Variants in RGS5 observed in about 807,000 individuals in gnomAD.
RGS5 encodes regulator of G protein signaling 5, also known as regulator of G-protein signalling 5.
RGS5 carries 20 observed loss-of-function variants against 18.9 expected under a neutral mutation model. The observed-to-expected ratio is 1.06, with a 90% CI of 0.74 to 1.54. The LOEUF (loss-of-function observed/expected upper bound fraction) is 1.54. Ranked by LOEUF, RGS5 falls within the 40% of genes most tolerant of loss-of-function variation. The pLI, the probability that RGS5 is intolerant of heterozygous loss-of-function variation, is 0.00. For missense variants in RGS5, 201 were observed against 211.8 expected (o/e 0.95, Z 0.32); for synonymous variants, 57 against 76.2 (o/e 0.75, Z 1.31).
At chr1:163,271,481 A>G (rs1197185627) in intron 2 of RGS5, among the ~76,000 whole-genome samples, 1 of 152,182 alleles carries the variant, frequency 6.6e-6, no homozygotes, top group East Asian at 1.9e-4. Context: ...GGCCCTCACC[A>G]GATAGAGAAT....
At position 163,144,502 on chromosome 1, in the gene RGS5, T is replaced by C. The variant is rs1024322046; in HGVS notation, c.*2840A>G. 3.3e-5 allele frequency: 5 copies of C among 152,496 alleles called. No individual in the cohort carries two copies. The highest frequency in any genetic ancestry group is 7.4e-5 in the Non-Finnish European group (5 of 68,000). 9.4% of individuals were successfully genotyped at this position (152,496 alleles called of 1,614,324 possible). A position where few individuals can be genotyped will look rare whatever the true frequency, so the allele number is the denominator to read the frequency against. On this transcript the variant is annotated 3_prime_UTR_variant, in exon 5 of 5. Coordinates refer to ENST00000313961, the MANE Select transcript of RGS5 (RefSeq NM_003617.4). ...CTATTTCCATTGACCACAATTTGGT[T>C]CCACCACCTTTCTACATCCTCAATT...
chr1:163,171,862 T>A (rs184450107), intron 1 of RGS5, among the ~76,000 whole-genome samples: 42 of 152,178 alleles, frequency 2.8e-4, no homozygotes, highest in Non-Finnish European at 5.4e-4. Flanking sequence ...AGGTCTTAGA[T>A]GTGGAAACAA....
rs1295547562 is a variant in RGS5 at position 163,276,633 on chromosome 1, T to A, written c.-281+29600A>T. Among the ~76,000 whole-genome samples, 4 of 152,232 alleles carry A rather than the reference T, an allele frequency of 2.6e-5. No homozygotes were observed. In the South Asian group the frequency reaches 8.3e-4, roughly 32 times the overall value. On this transcript the variant is annotated intron_variant, in intron 2 of 5. Transcript: ENST00000618415. The stretch of plus-strand genomic sequence containing the variant: ...TTAAAGGTTAATGAATGGCTGTCCA[T>A]GTCCATTACTGTCTGACCTAGAACA...
At chr1:163,200,735 C>A (rs1486298914) in intron 1 of RGS5, among the ~76,000 whole-genome samples, 1 of 152,174 alleles carries the variant, frequency 6.6e-6, no homozygotes, top group Non-Finnish European at 1.5e-5. Context: ...TATTCTACCA[C>A]ATCCCAATAA....
chr1:163,219,406 T>C (rs1450387889), upstream of RGS5, among the ~76,000 whole-genome samples: 2 of 152,212 alleles, frequency 1.3e-5, no homozygotes, highest in African/African-American at 4.8e-5. Flanking sequence ...TCCATACTTT[T>C]GCATCTTGTA....
In RGS5 at chr1:163,142,933, G is replaced by T. The variant is rs1656978581; in HGVS notation, c.*4409C>A. 6.6e-6 allele frequency: 1 copy of T among 152,150 alleles called. No individual in the cohort carries two copies. The highest frequency in any genetic ancestry group is 1.5e-5 in the Non-Finnish European group (1 of 68,022). The allele number at this position is 152,150 out of a possible 1,614,324, so 9.4% of individuals were successfully genotyped here. A position where few individuals can be genotyped will look rare whatever the true frequency, so the allele number is the denominator to read the frequency against. The stretch of plus-strand genomic sequence containing the variant: ...TTCTCTACTAGAAAAATAATAAGAT[G>T]TATTATTAAAACGTGAGTTGAGAAT... On this transcript the variant is annotated 3_prime_UTR_variant, in exon 5 of 5. Transcript: ENST00000313961.
chr1:163,227,259 A>C lies in RGS5; in HGVS notation c.-280-58891T>G, dbSNP rs1647359618. Among the ~76,000 whole-genome samples the C allele has an allele frequency of 2.0e-5, 3 of 152,242 alleles. No individual in the cohort carries two copies. The South Asian group carries it at 6.2e-4, about 32-fold the overall frequency. ...TCATGCTTCTGTGAAGAAATACACA[A>C]GAGTGAGTAATTTATTAAGAAAACA... On this transcript the variant is annotated intron_variant, in intron 2 of 5. Transcript: ENST00000618415.
chr1:163,247,319 A>G (rs1647968208), intron 2 of RGS5, among the ~76,000 whole-genome samples: 1 of 152,140 alleles, frequency 6.6e-6, no homozygotes, highest in Non-Finnish European at 1.5e-5. Flanking sequence ...AGTCAAATGA[A>G]TTGTTGAGCT....
At chr1:163,284,414 A>T (rs1426115872) in intron 2 of RGS5, among the ~76,000 whole-genome samples, 2 of 152,144 alleles carry the variant, frequency 1.3e-5, no homozygotes, top group Admixed American at 1.3e-4. Flanking sequence ...GTGCATTTTA[A>T]ATGTTTGTTG....
At chr1:163,207,854 G>A (rs1659985523), upstream of RGS5, among the ~76,000 whole-genome samples, 1 of 151,620 alleles carries the variant, frequency 6.6e-6, no homozygotes, top group Admixed American at 6.6e-5. Context: ...TATGTACAAA[G>A]GTAACCATTA....
chr1:163,239,501 A>G (rs966307369), intron 2 of RGS5, among the ~76,000 whole-genome samples: 3 of 151,876 alleles, frequency 2.0e-5, no homozygotes, highest in Non-Finnish European at 2.9e-5. Flanking sequence ...AAAAAAAAAA[A>G]AAGGGTTACC....
intron 2 of RGS5, among the ~76,000 whole-genome samples, chr1:163,301,340 CTT>C (rs11384334): frequency 6.7e-6 from 1 of 149,462 alleles, no homozygotes; most frequent in Admixed American, 6.7e-5. Flanking sequence ...CAGAATGAGT[CTT>C]TTTTTTTTGA....
chr1:163,224,431 T>A (rs188594726), intron 2 of RGS5, among the ~76,000 whole-genome samples: 11 of 152,356 alleles, frequency 7.2e-5, no homozygotes, highest in Admixed American at 2.0e-4. Flanking sequence ...ATATACCACA[T>A]TTTTTGTATC....
intron 2 of RGS5, among the ~76,000 whole-genome samples, chr1:163,271,108 C>T (rs1041507515): frequency 6.6e-6 from 1 of 152,106 alleles, no homozygotes; most frequent in Non-Finnish European, 1.5e-5. Flanking sequence ...TGCAGTGCAC[C>T]ATACCCTCTG....
At chr1:163,290,031 A>G (rs564705680) in intron 2 of RGS5, among the ~76,000 whole-genome samples, 1 of 151,974 alleles carries the variant, frequency 6.6e-6, no homozygotes, top group Non-Finnish European at 1.5e-5. Context: ...GTACAGTAAA[A>G]AAGCAGGCAA....
chr1:163,152,662 A>T lies in RGS5; in HGVS notation c.272T>A (p.Leu91His). 1 of 1,611,646 alleles carries T rather than the reference A, an allele frequency of 6.2e-7. No homozygotes were observed. The change falls in exon 4 of 5, where the codon CTT (leucine) becomes CAT (histidine). Residue 91 changes from leucine (L) to histidine (H), a missense_variant. By Grantham distance (99) the Leu-to-His change is moderately conservative. Coordinates refer to ENST00000313961, the MANE Select transcript of RGS5 (RefSeq NM_003617.4). ...FLKSEFSEEN[L>H]EFWIACEDYK... ...ATCCTCACAGGCAATCCAGAACTCA[A>T]GGTTTTCCTCACTGAATTCAGACTT...
At chr1:163,154,301 T>C (rs1657501309) in intron 3 of RGS5, among the ~76,000 whole-genome samples, 1 of 152,172 alleles carries the variant, frequency 6.6e-6, no homozygotes, top group South Asian at 2.1e-4. Flanking sequence ...CCATTTTCAA[T>C]TTACCTCCTG....
chr1:163,294,709 G>T (rs1390797023), intron 2 of RGS5, among the ~76,000 whole-genome samples: 1 of 152,162 alleles, frequency 6.6e-6, no homozygotes, highest in Non-Finnish European at 1.5e-5. Context: ...GCATGGTCAG[G>T]CTGCAAATTT....
At chr1:163,296,586 C>T (rs1649423793) in intron 2 of RGS5, among the ~76,000 whole-genome samples, 1 of 152,124 alleles carries the variant, frequency 6.6e-6, no homozygotes, top group African/African-American at 2.4e-5. Flanking sequence ...ACAAAAGATG[C>T]TTTAAGGCAA....
Sources: gnomAD v4.1 joint callset for allele counts (sites outside exome capture counted in the v4.1 genomes callset) on GRCh38, gnomAD v4.1.1 for gene constraint, MANE v1.5 for transcripts, NCBI Gene and HGNC (gene_info 2026-07-23, HGNC 2026-07-21) for gene names.